The following PARD6B variants were observed in gnomAD, a reference collection of about 807,000 sequenced individuals.
PARD6B encodes par-6 family cell polarity regulator beta.
Under a neutral mutation model 10.5 loss-of-function variants are expected in PARD6B, and 4 were observed. That is an observed-to-expected ratio of 0.38 (90% CI 0.19 to 0.87). The LOEUF (loss-of-function observed/expected upper bound fraction) is 0.87, where lower values mean the gene tolerates loss of function less well. Ranked by LOEUF, PARD6B falls within the 40% of genes least tolerant of loss-of-function variation. The pLI is 0.41. For missense variants in PARD6B, 396 were observed against 470.6 expected, an observed-to-expected ratio of 0.84 and a Z score of 1.47; for synonymous variants, 169 against 170.4, an observed-to-expected ratio of 0.99 and a Z score of 0.07.
intron 2 of PARD6B, among the ~76,000 whole-genome samples, chr20:50,748,612 T>G (rs1465457213): frequency 6.6e-6 from 1 of 152,170 alleles, no homozygotes; most frequent in African/African-American, 2.4e-5. Flanking sequence ...GCTGCAGACC[T>G]GAATCCTGGA....
At chr20:50,748,211 C>T (rs889400033) in intron 2 of PARD6B, among the ~76,000 whole-genome samples, 22 of 152,190 alleles carry the variant, frequency 1.4e-4, no homozygotes, top group African/African-American at 2.9e-4. Context: ...GGCATAGTGG[C>T]GCATGCCTGT....
At position 50,731,669 on chromosome 20, in the gene PARD6B, CTG is replaced by C; in HGVS notation, c.-115_-114del. 1.2e-6 allele frequency: 1 copy of C among 838,588 alleles called. No individual in the cohort carries two copies. The highest frequency in any genetic ancestry group is 1.7e-6 in the Non-Finnish European group (1 of 598,296). 51.9% of individuals were successfully genotyped at this position (838,588 alleles called of 1,614,324 possible). ...CTGCGGCCGCCCCCTCTGCAGGTGCCTGTGAGGAGGCGCCCGGGCCGCAACCG... is the reference window on the plus strand; with the variant it reads ...CTGCGGCCGCCCCCTCTGCAGGTGCCTGAGGAGGCGCCCGGGCCGCAACCG... On this transcript the variant is annotated 5_prime_UTR_variant, in exon 1 of 3. Transcript: ENST00000371610.
intron 1 of PARD6B, among the ~76,000 whole-genome samples, chr20:50,732,270 G>T (rs929160801): frequency 8.5e-5 from 13 of 152,244 alleles, no homozygotes; most frequent in Non-Finnish European, 1.0e-4. Context: ...GTTAAGGGGC[G>T]CATCGAGTGG....
Position 50,750,517 on chromosome 20 carries a change from G to A in PARD6B, c.*29G>A, listed in dbSNP as rs535715022. 6.3e-7 allele frequency: 1 copy of A among 1,594,980 alleles called. No homozygotes were observed. Among genetic ancestry groups the A allele is most frequent in the South Asian group, 1.1e-5 (1 of 88,322 alleles). On this transcript the variant is annotated 3_prime_UTR_variant, in exon 3 of 3. Transcript: ENST00000371610. ...CGTGGTTTGAATGTTTTCAGAGTGAGGATGCCATGAGGACTTGTACATTTG... is the reference window on the plus strand; with the variant it reads ...CGTGGTTTGAATGTTTTCAGAGTGAAGATGCCATGAGGACTTGTACATTTG...
In PARD6B at chr20:50,737,838, ATGTT is replaced by A; in HGVS notation, c.67-14_67-11del. On this transcript the variant is annotated splice_polypyrimidine_tract_variant and intron_variant, in intron 1 of 2. Coordinates refer to ENST00000371610, the MANE Select transcript of PARD6B (RefSeq NM_032521.3). ...ACTTTTTTTTTTTTTTTTAAGTAAT[ATGTT>A]TGTTACGTTTATAGTTTGGAGCTGA... 1 of 1,357,064 alleles carries A rather than the reference ATGTT, an allele frequency of 7.4e-7. No homozygotes were observed. The highest frequency in any genetic ancestry group is 1.7e-5 in the South Asian group (1 of 57,786). The allele number at this position is 1,357,064 out of a possible 1,614,324, so 84.1% of individuals were successfully genotyped here.
chr20:50,748,679 A>G (rs1219633574), intron 2 of PARD6B, among the ~76,000 whole-genome samples: 2 of 152,008 alleles, frequency 1.3e-5, no homozygotes, highest in Non-Finnish European at 2.9e-5. Context: ...GGCAGACGCT[A>G]CCTACCACAC....
chr20:50,732,955 TATGTAAA>T (rs1418069937), intron 1 of PARD6B, among the ~76,000 whole-genome samples: 2 of 148,178 alleles, frequency 1.3e-5, no homozygotes, highest in Non-Finnish European at 3.0e-5. Flanking sequence ...TACTAAGGAG[TATGTAAA>T]ATCAAGGAGT....
chr20:50,747,927 A>G (rs540499207), intron 2 of PARD6B, among the ~76,000 whole-genome samples: 45 of 152,262 alleles, frequency 3.0e-4, no homozygotes, highest in African/African-American at 9.6e-4. Flanking sequence ...ACTACTTCCT[A>G]TTGTCTGTGT....
In PARD6B at chr20:50,731,688, C is replaced by A; in HGVS notation, c.-99C>A. The A allele has an allele frequency of 1.7e-6, 2 of 1,154,482 alleles. No homozygotes were observed. Among genetic ancestry groups the A allele is most frequent in the Non-Finnish European group, 1.1e-6 (1 of 882,802 alleles). 71.5% of individuals were successfully genotyped at this position (1,154,482 alleles called of 1,614,324 possible). A position where few individuals can be genotyped will look rare whatever the true frequency, so the allele number is the denominator to read the frequency against. Reference sequence around the variant, plus strand: ...AGGTGCCTGTGAGGAGGCGCCCGGGCCGCAACCGCTTTCCGAGATCCCCAG... The same window carrying A: ...AGGTGCCTGTGAGGAGGCGCCCGGGACGCAACCGCTTTCCGAGATCCCCAG... On this transcript the variant is annotated 5_prime_UTR_variant, in exon 1 of 3. Coordinates refer to ENST00000371610, the MANE Select transcript of PARD6B (RefSeq NM_032521.3).
chr20:50,737,118 G>A (rs1362736148), intron 1 of PARD6B, among the ~76,000 whole-genome samples: 1 of 152,164 alleles, frequency 6.6e-6, no homozygotes, highest in Non-Finnish European at 1.5e-5. Context: ...GATGGAGGCT[G>A]TCTTCCTCCC....
Position 50,751,219 on chromosome 20 carries a change from G to T in PARD6B, c.*731G>T. 1.1e-6 allele frequency: 1 copy of T among 937,058 alleles called. No individual in the cohort carries two copies. The highest frequency in any genetic ancestry group is 1.3e-6 in the Non-Finnish European group (1 of 787,058). The allele number at this position is 937,058 out of a possible 1,614,324, so 58.0% of individuals were successfully genotyped here. ...TCCTGGGCTTAAGCAGTCCTGCCTC[G>T]GCTTCCCAAAATGCTAGGATTAGAG... On this transcript the variant is annotated 3_prime_UTR_variant, in exon 3 of 3. Transcript: ENST00000371610.
intron 2 of PARD6B, among the ~76,000 whole-genome samples, chr20:50,745,219 C>G (rs1240447109): frequency 6.6e-6 from 1 of 152,164 alleles, no homozygotes; most frequent in East Asian, 1.9e-4. Context: ...CGCCCAACGT[C>G]AGGAGTTCGC....
rs58629233 is a variant in PARD6B, at chr20:50,747,489, C to CTTTTTTT, written c.290-2153_290-2147dup. Among the ~76,000 whole-genome samples, 182 of 33,350 alleles carry CTTTTTTT rather than the reference C, an allele frequency of 5.5e-3. 4 individuals are homozygous for CTTTTTTT. Among genetic ancestry groups the CTTTTTTT allele is most frequent in the Admixed American group, 7.1e-3 (14 of 1,982 alleles). 21.9% of individuals were successfully genotyped at this position (33,350 alleles called of 152,430 possible). A position where few individuals can be genotyped will look rare whatever the true frequency, so the allele number is the denominator to read the frequency against. On this transcript the variant is annotated intron_variant, in intron 2 of 2. Transcript: ENST00000371610. ...TTTCTTTTTCTTTTTTTCTTTCTTT[C>CTTTTTTT]TTTTTTTTTTTTTTTTTTTTTTTGC...
At chr20:50,732,342 G>A (rs533490500) in intron 1 of PARD6B, among the ~76,000 whole-genome samples, 15 of 152,192 alleles carry the variant, frequency 9.9e-5, no homozygotes, top group African/African-American at 3.4e-4. Flanking sequence ...TCCTGCTGGC[G>A]CTCTTTCTAG....
intron 1 of PARD6B, among the ~76,000 whole-genome samples, chr20:50,734,034 G>C (rs148509209): frequency 6.6e-6 from 1 of 152,150 alleles, no homozygotes; most frequent in African/African-American, 2.4e-5. Flanking sequence ...AGCTAACTGT[G>C]TCTTTTAAAT....
In PARD6B at chr20:50,734,509, CTTAT is replaced by C. The variant is rs200306022; in HGVS notation, c.66+2684_66+2687del. 9.2e-3 allele frequency among the ~76,000 whole-genome samples: 1,392 copies of C among 150,584 alleles called. 12 individuals are homozygous for C. The highest frequency in any genetic ancestry group is 0.036 in the Admixed American group (544 of 15,088). ...TACAGGCGTGCACCACTACACCCAG[CTTAT>C]TTATTTATTTATTTATTTATTTATT... On this transcript the variant is annotated intron_variant, in intron 1 of 2. Coordinates refer to ENST00000371610, the MANE Select transcript of PARD6B (RefSeq NM_032521.3).
rs1242579574 is a variant in PARD6B at position 50,738,000 on chromosome 20, A to G, written c.210A>G (p.Leu70=). The G allele has an allele frequency of 2.5e-6, 4 of 1,613,252 alleles. No homozygotes were observed. The highest frequency in any genetic ancestry group is 3.4e-6 in the Non-Finnish European group (4 of 1,179,742). ...VGYADIHGDL[L]PINNDDNYHK... ...ATGCAGACATCCATGGAGACTTACTACCTATAAATAATGATGATAATTATC... is the reference window on the plus strand; with the variant it reads ...ATGCAGACATCCATGGAGACTTACTGCCTATAAATAATGATGATAATTATC... Residue 70 remains leucine (L), a synonymous_variant, in exon 2 of 3, where the codon CTA becomes CTG. Transcript: ENST00000371610.
At chr20:50,748,313 C>T (rs955685116) in intron 2 of PARD6B, among the ~76,000 whole-genome samples, 5 of 152,252 alleles carry the variant, frequency 3.3e-5, no homozygotes, top group African/African-American at 1.2e-4. Context: ...CTCTGCACTC[C>T]AGCCAGGACG....
At position 50,752,706 on chromosome 20, in the gene PARD6B, AC is replaced by A; in HGVS notation, c.*2219del. The A allele has an allele frequency of 1.0e-6, 1 of 980,262 alleles. No homozygotes were observed. The highest frequency in any genetic ancestry group is 4.7e-5 in the South Asian group (1 of 21,162). The allele number at this position is 980,262 out of a possible 1,614,324, so 60.7% of individuals were successfully genotyped here. A position where few individuals can be genotyped will look rare whatever the true frequency, so the allele number is the denominator to read the frequency against. On this transcript the variant is annotated 3_prime_UTR_variant, in exon 3 of 3. Coordinates refer to ENST00000371610, the MANE Select transcript of PARD6B (RefSeq NM_032521.3). Reference sequence around the variant, plus strand: ...TATTACAACAATGAAGATTCAAATGACTCCGCTTTGAAGGATGTTTTCTCTA... The same window carrying A: ...TATTACAACAATGAAGATTCAAATGATCCGCTTTGAAGGATGTTTTCTCTA...
Sources: gnomAD v4.1 joint callset for allele counts (sites outside exome capture counted in the v4.1 genomes callset) on GRCh38, gnomAD v4.1.1 for gene constraint, MANE v1.5 for transcripts, NCBI Gene and HGNC (gene_info 2026-07-23, HGNC 2026-07-21) for gene names.